Variants in OPHN1 observed in about 807,000 individuals in gnomAD.
OPHN1 encodes oligophrenin 1.
OPHN1 carries 11 observed loss-of-function variants against 60.7 expected under a neutral mutation model. The observed-to-expected ratio is 0.18, with a 90% CI of 0.11 to 0.30. The LOEUF is 0.30. OPHN1 is among the 10% of genes least tolerant of loss of function. The pLI is 1.00. For synonymous variants in OPHN1, 226 were observed against 222.6 expected, an observed-to-expected ratio of 1.02 and a Z score of -0.14; for missense variants, 449 against 611.0, an observed-to-expected ratio of 0.73 and a Z score of 2.80.
At chrX:68,317,536 AAAAAAAG>A (rs1307663092) in intron 2 of OPHN1, among the ~76,000 whole-genome samples, 6,410 of 71,763 alleles carry the variant, frequency 0.089, 659 homozygotes, top group African/African-American at 0.29. Context: ...AGAAAGAAAG[AAAAAAAG>A]AAAGAAAGAA....
chrX:68,141,904 TAAAGAAAGAAAGAAAGAAAG>T (rs199937682), intron 15 of OPHN1, among the ~76,000 whole-genome samples: 30,841 of 90,063 alleles, frequency 0.34, 4,945 homozygotes, highest in Non-Finnish European at 0.44. Flanking sequence ...TGATGTTAAT[TAAAGAAAGAAAGAAAGAAAG>T]AAAGAAAGAA....
chrX:68,254,361 G>A (rs1368280851), intron 5 of OPHN1, among the ~76,000 whole-genome samples: 6 of 111,370 alleles, frequency 5.4e-5, no homozygotes, highest in African/African-American at 2.0e-4. Context: ...ACTATAGATA[G>A]ATAACCAGTA....
intron 2 of OPHN1, among the ~76,000 whole-genome samples, chrX:68,314,536 C>T (rs2078189582): frequency 9.1e-6 from 1 of 110,193 alleles, no homozygotes; most frequent in Admixed American, 9.7e-5. Flanking sequence ...AAAAAATCCT[C>T]CCAACCAAAA....
At position 68,267,201 on chromosome X, in the gene OPHN1, C is replaced by T. The variant is rs546033318; in HGVS notation, c.384+7537G>A. 1.7e-3 allele frequency among the ~76,000 whole-genome samples: 192 copies of T among 111,404 alleles called. 1 individual carries two copies. Among genetic ancestry groups the T allele is most frequent in the African/African-American group, 5.9e-3 (181 of 30,635 alleles). On this transcript the variant is annotated intron_variant, in intron 5 of 24. Transcript: ENST00000355520. The stretch of plus-strand genomic sequence containing the variant: ...ACCTAATAGACATCTACAGAACTCC[C>T]CACCCCAAATCAACAGAATATACAT...
chrX:68,373,007 A>T (rs1025785913), intron 2 of OPHN1, among the ~76,000 whole-genome samples: 8 of 112,072 alleles, frequency 7.1e-5, no homozygotes, highest in African/African-American at 2.6e-4. Flanking sequence ...AGTGCCAGGG[A>T]GCATAGTGAG....
At chrX:68,137,128 G>T (rs1399382020) in intron 15 of OPHN1, among the ~76,000 whole-genome samples, 1 of 111,745 alleles carries the variant, frequency 8.9e-6, no homozygotes, top group Non-Finnish European at 1.9e-5. Flanking sequence ...TAAATCATAG[G>T]AAAGGAAATA....
At position 68,047,163 on chromosome X, in the gene OPHN1, C is replaced by T. The variant is rs1274324404; in HGVS notation, c.*9G>A. On this transcript the variant is annotated splice_region_variant and 3_prime_UTR_variant, in exon 25 of 25. Transcript: ENST00000355520. ...TCCTCTGAGGCCAAGGCTTTTAAAA[C>T]CTGAAAGAGAAAGAAGAGAGTAGGG... 9.0e-6 allele frequency: 1 copy of T among 111,731 alleles called. No homozygotes were observed. The highest frequency in any genetic ancestry group is 3.3e-5 in the African/African-American group (1 of 30,713). The allele number at this position is 111,731 out of a possible 1,213,427, so 9.2% of individuals were successfully genotyped here. A position where few individuals can be genotyped will look rare whatever the true frequency, so the allele number is the denominator to read the frequency against.
At chrX:68,206,990 T>C (rs1442972012) in intron 9 of OPHN1, among the ~76,000 whole-genome samples, 1 of 111,748 alleles carries the variant, frequency 8.9e-6, no homozygotes, top group East Asian at 2.8e-4. Context: ...TCTCTATAAC[T>C]GTTCCATGTC....
chrX:68,228,001 T>C (rs924889766), intron 6 of OPHN1, among the ~76,000 whole-genome samples: 3 of 111,048 alleles, frequency 2.7e-5, no homozygotes, highest in Admixed American at 1.9e-4. Flanking sequence ...GCAGAATTGA[T>C]AGACTGCTAG....
chrX:68,113,914 T>C (rs1361481186), intron 16 of OPHN1, among the ~76,000 whole-genome samples: 1 of 104,309 alleles, frequency 9.6e-6, no homozygotes, highest in African/African-American at 3.5e-5. Context: ...AGTATACATA[T>C]GTAACTAACC....
chrX:68,291,278 C>G (rs1007707595), intron 3 of OPHN1, among the ~76,000 whole-genome samples: 2 of 111,970 alleles, frequency 1.8e-5, no homozygotes, highest in African/African-American at 6.5e-5. Context: ...AAATGGCAGA[C>G]AGGCCTGAAG....
intron 15 of OPHN1, chrX:68,133,143 A>C: frequency 1.5e-6 from 1 of 655,686 alleles, no homozygotes. Flanking sequence ...AGACATTTAG[A>C]AATTGTTCTT....
intron 18 of OPHN1, among the ~76,000 whole-genome samples, chrX:68,104,964 AAAAC>A (rs1371119554): frequency 3.6e-5 from 4 of 112,154 alleles, no homozygotes; most frequent in African/African-American, 1.3e-4. Context: ...TTACAAGAAA[AAAAC>A]AAACAACCCC....
intron 15 of OPHN1, among the ~76,000 whole-genome samples, chrX:68,152,695 G>T (rs1027416909): frequency 4.7e-4 from 51 of 109,492 alleles, no homozygotes; most frequent in African/African-American, 1.6e-3. Context: ...CACCTGTCTT[G>T]GCCTCCCAAA....
At chrX:68,372,902 C>T (rs1206337658) in intron 2 of OPHN1, among the ~76,000 whole-genome samples, 1 of 109,921 alleles carries the variant, frequency 9.1e-6, no homozygotes, top group Non-Finnish European at 1.9e-5. Flanking sequence ...AAACACTGAT[C>T]AAAGAGGAAG....
chrX:68,262,702 G>A (rs916997102), intron 5 of OPHN1, among the ~76,000 whole-genome samples: 4 of 112,072 alleles, frequency 3.6e-5, no homozygotes, highest in Non-Finnish European at 5.6e-5. Context: ...GAAAAGAAGC[G>A]CTTGAACCCG....
chrX:68,106,129 G>A (rs1219593566), intron 18 of OPHN1, among the ~76,000 whole-genome samples: 3 of 98,993 alleles, frequency 3.0e-5, no homozygotes, highest in East Asian at 3.3e-4. Context: ...AGAGAGATCC[G>A]AAAAAACCTG....
At chrX:68,111,213 C>G (rs906450765) in intron 18 of OPHN1, among the ~76,000 whole-genome samples, 25 of 112,231 alleles carry the variant, frequency 2.2e-4, no homozygotes, top group African/African-American at 8.1e-4. Context: ...TCTGCTGGCT[C>G]CTGGACAGAA....
At chrX:68,172,740 A>G (rs1230197279) in intron 15 of OPHN1, among the ~76,000 whole-genome samples, 1 of 111,757 alleles carries the variant, frequency 8.9e-6, no homozygotes, top group African/African-American at 3.2e-5. Flanking sequence ...GACAGGTACA[A>G]GAATGCTCAT....
Sources: gnomAD v4.1 joint callset for allele counts (sites outside exome capture counted in the v4.1 genomes callset) on GRCh38, gnomAD v4.1.1 for gene constraint, MANE v1.5 for transcripts, NCBI Gene and HGNC (gene_info 2026-07-23, HGNC 2026-07-21) for gene names.